Variants in BAIAP2L1 observed in about 807,000 individuals in gnomAD.
BAIAP2L1 encodes the protein BAR/IMD domain-containing adapter protein 2-like 1.
In BAIAP2L1, 35 loss-of-function variants were observed where a neutral mutation model predicts 66.3. That is an observed-to-expected ratio of 0.53 (90% confidence interval 0.40 to 0.70). The LOEUF is 0.70. Among genes scored for constraint, BAIAP2L1 ranks in the 30% least tolerant of loss-of-function variants. BAIAP2L1 has a pLI of 0.00. For missense variants in BAIAP2L1, 622 were observed against 656.9 expected (o/e 0.95, Z 0.58); for synonymous variants, 269 against 248.7 (o/e 1.08, Z -0.77).
In BAIAP2L1 at chr7:98,292,925, G is replaced by A. The variant is rs572801829; in HGVS notation, c.*596C>T. On this transcript the variant is annotated 3_prime_UTR_variant, in exon 14 of 14. Coordinates refer to ENST00000005260, the MANE Select transcript of BAIAP2L1 (RefSeq NM_018842.5). ...TGGCTGTGATAAGGGCAGGCAAAGC[G>A]TCTTAGCACTCTACAGCTCTGGCGT... 77 of 1,377,900 alleles carry A rather than the reference G, an allele frequency of 5.6e-5. No individual in the cohort carries two copies. The Middle Eastern group carries it at 1.1e-3, about 19-fold the overall frequency. 85.4% of individuals were successfully genotyped at this position (1,377,900 alleles called of 1,614,324 possible).
At chr7:98,297,714 T>G (rs1300800366) in intron 12 of BAIAP2L1, among the ~76,000 whole-genome samples, 1 of 152,152 alleles carries the variant, frequency 6.6e-6, no homozygotes, top group Non-Finnish European at 1.5e-5. Flanking sequence ...TCCGAGCCAC[T>G]GGGATCTTTT....
Position 98,355,737 on chromosome 7 carries a change from A to T in BAIAP2L1, c.128-609T>A, listed in dbSNP as rs192940798. On this transcript the variant is annotated intron_variant, in intron 2 of 13. Transcript: ENST00000005260. Reference sequence around the variant, plus strand: ...ACAGCCAGATATTGTCTCAAAAATAAATATAAAAAAAGAAGATACATCCTC... The same window carrying T: ...ACAGCCAGATATTGTCTCAAAAATATATATAAAAAAAGAAGATACATCCTC... Among the ~76,000 whole-genome samples the T allele has an allele frequency of 3.2e-3, 493 of 152,086 alleles. 3 individuals carry two copies. The highest frequency in any genetic ancestry group is 0.011 in the African/African-American group (467 of 41,478).
chr7:98,351,520 G>A (rs1802000887), intron 3 of BAIAP2L1, among the ~76,000 whole-genome samples: 1 of 152,116 alleles, frequency 6.6e-6, no homozygotes, highest in Admixed American at 6.6e-5. Flanking sequence ...TGGGGCAAAG[G>A]TTGTCAGCAC....
chr7:98,315,348 A>C, intron 7 of BAIAP2L1, 112 bp downstream of exon 7: 1 of 1,061,812 alleles, frequency 9.4e-7, no homozygotes, highest in East Asian at 3.0e-5. Flanking sequence ...GGCCCACCTC[A>C]GCCTCCCAAA....
intron 2 of BAIAP2L1, among the ~76,000 whole-genome samples, chr7:98,357,565 CA>C (rs10648487): frequency 1.0e-3 from 107 of 104,318 alleles, no homozygotes; most frequent in Middle Eastern, 5.7e-3. Context: ...GACTCAGTCT[CA>C]AAAAAAAAAA....
Position 98,293,871 on chromosome 7 carries a change from ACT to A in BAIAP2L1, c.1460+201_1460+202del, listed in dbSNP as rs1800071761. On this transcript the variant is annotated intron_variant, in intron 13 of 13. Coordinates refer to ENST00000005260, the MANE Select transcript of BAIAP2L1 (RefSeq NM_018842.5). ...CTGCATTGTGTGTGACATGGGGGTC[ACT>A]CTGGGGTGGGGAAGCCCTGCTCCCA... Among the ~76,000 whole-genome samples the A allele has an allele frequency of 6.6e-5, 10 of 152,312 alleles. No homozygotes were observed. In the South Asian group the frequency reaches 2.1e-3, roughly 32 times the overall value.
chr7:98,343,300 C>CA (rs1174100161), intron 3 of BAIAP2L1, among the ~76,000 whole-genome samples: 5 of 150,904 alleles, frequency 3.3e-5, no homozygotes, highest in African/African-American at 1.2e-4. Flanking sequence ...CACACACACA[C>CA]ACTAGCTGGG....
intron 1 of BAIAP2L1, among the ~76,000 whole-genome samples, chr7:98,373,767 C>T (rs1562789002): frequency 6.6e-6 from 1 of 152,148 alleles, no homozygotes; most frequent in South Asian, 2.1e-4. Context: ...AGTCAAGTCT[C>T]CAAACAGAGG....
At chr7:98,321,297 C>T (rs569416761) in intron 3 of BAIAP2L1, among the ~76,000 whole-genome samples, 3 of 152,318 alleles carry the variant, frequency 2.0e-5, no homozygotes, top group South Asian at 2.1e-4. Flanking sequence ...TTATTTTTAT[C>T]GAATCCCCAG....
At chr7:98,366,390 C>T (rs1346125210) in intron 1 of BAIAP2L1, among the ~76,000 whole-genome samples, 4 of 152,028 alleles carry the variant, frequency 2.6e-5, no homozygotes, top group African/African-American at 4.8e-5. Flanking sequence ...CACCAGACTC[C>T]GATTCCTGCC....
intron 1 of BAIAP2L1, among the ~76,000 whole-genome samples, chr7:98,397,318 C>CTTTTTTTTTTTTTTTTT (rs36101597): frequency 1.3e-5 from 1 of 74,498 alleles, no homozygotes; most frequent in African/African-American, 5.4e-5. Context: ...TTCTTAAGCC[C>CTTTTTTTTTTTTTTTTT]TTTTTTTTTT....
chr7:98,349,295 C>T (rs1046534788), intron 3 of BAIAP2L1, among the ~76,000 whole-genome samples: 3 of 152,110 alleles, frequency 2.0e-5, no homozygotes, highest in Non-Finnish European at 4.4e-5. Context: ...CAGAAGTGCC[C>T]GGCACGCGGT....
intron 1 of BAIAP2L1, among the ~76,000 whole-genome samples, chr7:98,398,524 C>T (rs534960123): frequency 5.3e-5 from 8 of 151,092 alleles, no homozygotes; most frequent in South Asian, 2.1e-4. Flanking sequence ...GTAATTAAAA[C>T]GAACAAACAT....
intron 1 of BAIAP2L1, among the ~76,000 whole-genome samples, chr7:98,382,691 T>G (rs1035080648): frequency 4.6e-5 from 7 of 152,116 alleles, no homozygotes; most frequent in African/African-American, 1.7e-4. Context: ...AGCGTTCAGG[T>G]TGAAGCTTTG....
chr7:98,295,344 G>A (rs1211351094), intron 12 of BAIAP2L1, among the ~76,000 whole-genome samples: 2 of 152,150 alleles, frequency 1.3e-5, no homozygotes, highest in Non-Finnish European at 2.9e-5. Context: ...TTCATTGTCT[G>A]CTTTTCATCA....
intron 1 of BAIAP2L1, among the ~76,000 whole-genome samples, chr7:98,378,333 C>T (rs1802680187): frequency 6.6e-6 from 1 of 152,108 alleles, no homozygotes; most frequent in African/African-American, 2.4e-5. Flanking sequence ...TCATCAGTGA[C>T]TTCTGTCCTT....
intron 12 of BAIAP2L1, among the ~76,000 whole-genome samples, chr7:98,298,671 G>A (rs1158676801): frequency 6.6e-6 from 1 of 152,150 alleles, no homozygotes; most frequent in African/African-American, 2.4e-5. Flanking sequence ...CCCAGTGTTT[G>A]GCCTGGGATA....
At chr7:98,305,042 TTTTTG>T (rs1329989961) in intron 11 of BAIAP2L1, among the ~76,000 whole-genome samples, 49 of 123,076 alleles carry the variant, frequency 4.0e-4, no homozygotes, top group African/African-American at 1.6e-3. Flanking sequence ...ATTTTTTTGT[TTTTTG>T]TTTTTTTTTT....
chr7:98,367,407 G>A (rs911345174), intron 1 of BAIAP2L1, among the ~76,000 whole-genome samples: 1 of 151,994 alleles, frequency 6.6e-6, no homozygotes, highest in East Asian at 1.9e-4. Context: ...GTCTTGCTCT[G>A]TTGCCCAGGT....
Sources: gnomAD v4.1 joint callset for allele counts (sites outside exome capture counted in the v4.1 genomes callset) on GRCh38, gnomAD v4.1.1 for gene constraint, MANE v1.5 for transcripts, NCBI Gene and HGNC (gene_info 2026-07-23, HGNC 2026-07-21) for gene names.